PRDM16: variants seen among roughly 807,000 people sequenced by gnomAD.
PRDM16 encodes PR/SET domain 16, also known as histone-lysine N-methyltransferase PRDM16.
A neutral mutation model predicts 110.6 loss-of-function variants in PRDM16; 23 were observed. That is an observed-to-expected ratio of 0.21 (90% CI 0.15 to 0.29). The LOEUF is 0.29. Among genes scored for constraint, PRDM16 ranks in the 10% least tolerant of loss-of-function variants. The pLI, the probability that PRDM16 is intolerant of heterozygous loss-of-function variation, is 1.00. For missense variants in PRDM16, 1,615 were observed against 1,794.3 expected, an observed-to-expected ratio of 0.90 and a Z score of 1.81; for synonymous variants, 799 against 781.8, an observed-to-expected ratio of 1.02 and a Z score of -0.37.
chr1:3,425,539 A>C lies in PRDM16; in HGVS notation c.2940-42A>C. 1 of 1,589,608 alleles carries C rather than the reference A, an allele frequency of 6.3e-7. No homozygotes were observed. Among genetic ancestry groups the C allele is most frequent in the Non-Finnish European group, 8.6e-7 (1 of 1,164,950 alleles). On this transcript the variant is annotated intron_variant, in intron 12 of 16. Coordinates refer to ENST00000270722, the MANE Select transcript of PRDM16 (RefSeq NM_022114.4). The surrounding 1 kb of genome is among the most constrained non-coding windows in gnomAD (Gnocchi z 6.9). ...CCCTCTGTGGCCCGGCCTGCCATGC[A>C]GAGCCGGGGCCTGCACTGAGGAGCG...
chr1:3,152,844 G>A (rs1210107406), intron 1 of PRDM16, among the ~76,000 whole-genome samples: 2 of 152,190 alleles, frequency 1.3e-5, no homozygotes, highest in African/African-American at 4.8e-5. Context: ...GAGGGGTTTT[G>A]TCCAGAGGCT....
At chr1:3,356,647 C>A (rs761044980) in intron 3 of PRDM16, among the ~76,000 whole-genome samples, 4 of 152,222 alleles carry the variant, frequency 2.6e-5, no homozygotes, top group Non-Finnish European at 4.4e-5. Context: ...TGATCTTAGC[C>A]TGCCCCAGAG....
At chr1:3,322,828 G>A (rs949005480) in intron 3 of PRDM16, among the ~76,000 whole-genome samples, 10 of 152,338 alleles carry the variant, frequency 6.6e-5, no homozygotes, top group African/African-American at 1.9e-4. Flanking sequence ...GCCCCAGGAT[G>A]GGGACAGGGA....
chr1:3,272,574 A>G (rs2455127), intron 3 of PRDM16, among the ~76,000 whole-genome samples: 58,197 of 152,060 alleles, frequency 0.38, 16,449 homozygotes, highest in African/African-American at 0.79. Flanking sequence ...ACGTCCCGCC[A>G]GTGAGCCTGG....
Position 3,204,225 on chromosome 1 carries a change from C to T in PRDM16, c.387+17751C>T, listed in dbSNP as rs539953522. On this transcript the variant is annotated intron_variant, in intron 2 of 16. Transcript: ENST00000270722. Reference sequence around the variant, plus strand: ...GCAGACTTGGCCGCTCACAGATACCCGTGCCCCTGTAGTGTGTGTGGGTGT... The same window carrying T: ...GCAGACTTGGCCGCTCACAGATACCTGTGCCCCTGTAGTGTGTGTGGGTGT... 3.1e-4 allele frequency among the ~76,000 whole-genome samples: 47 copies of T among 152,312 alleles called. No homozygotes were observed. The South Asian group carries it at 3.3e-3, about 11-fold the overall frequency.
chr1:3,225,574 G>GCGCGCA (rs1553149440), intron 2 of PRDM16, among the ~76,000 whole-genome samples: 158 of 135,188 alleles, frequency 1.2e-3, no homozygotes, highest in African/African-American at 5.0e-3. Flanking sequence ...GTGTGTGTGT[G>GCGCGCA]CGCGCGCGCA....
At chr1:3,409,624 A>G (rs59831144) in intron 8 of PRDM16, among the ~76,000 whole-genome samples, 44,827 of 151,804 alleles carry the variant, frequency 0.3, 7,119 homozygotes, top group African/African-American at 0.43. Flanking sequence ...AAATTGTCCT[A>G]CAGAGAGAGA....
intron 3 of PRDM16, among the ~76,000 whole-genome samples, chr1:3,247,917 G>GC (rs1417532441): frequency 6.6e-6 from 1 of 152,364 alleles, no homozygotes; most frequent in East Asian, 1.9e-4. Context: ...TAGAGGGAAA[G>GC]CCCGGGGGCT....
At chr1:3,301,487 T>A (rs933059424) in intron 3 of PRDM16, among the ~76,000 whole-genome samples, 25 of 152,190 alleles carry the variant, frequency 1.6e-4, no homozygotes, top group African/African-American at 6.0e-4. Context: ...TTTAAGTGAC[T>A]CCTTTATTAA....
At chr1:3,247,682 C>G (rs1393149423) in intron 3 of PRDM16, among the ~76,000 whole-genome samples, 1 of 152,274 alleles carries the variant, frequency 6.6e-6, no homozygotes, top group Non-Finnish European at 1.5e-5. Flanking sequence ...CAGCCCAGAG[C>G]TTTGGCGCTG....
At chr1:3,119,191 C>T (rs1301686629) in intron 1 of PRDM16, among the ~76,000 whole-genome samples, 1 of 152,228 alleles carries the variant, frequency 6.6e-6, no homozygotes, top group Non-Finnish European at 1.5e-5. Flanking sequence ...CCTGGCAGAG[C>T]CTGGCCATTT....
intron 4 of PRDM16, among the ~76,000 whole-genome samples, chr1:3,392,325 A>T (rs1320850831): frequency 6.6e-6 from 1 of 152,212 alleles, no homozygotes; most frequent in Non-Finnish European, 1.5e-5. Flanking sequence ...GGGTTCACCT[A>T]CTTGATTCAA....
At chr1:3,303,322 T>C (rs1003935542) in intron 3 of PRDM16, among the ~76,000 whole-genome samples, 1 of 152,148 alleles carries the variant, frequency 6.6e-6, no homozygotes, top group Admixed American at 6.5e-5. Context: ...GACTATACAA[T>C]GTGCCATCCT....
chr1:3,425,518 C>T lies in PRDM16; in HGVS notation c.2940-63C>T, dbSNP rs1638578323. On this transcript the variant is annotated intron_variant, in intron 12 of 16. Coordinates refer to ENST00000270722, the MANE Select transcript of PRDM16 (RefSeq NM_022114.4). The surrounding 1 kb of genome is among the most constrained non-coding windows in gnomAD (Gnocchi z 6.9). ...GCGCGGGCTCCCTTCCCCCCACCCT[C>T]TGTGGCCCGGCCTGCCATGCAGAGC... The T allele has an allele frequency of 3.2e-6, 5 of 1,560,512 alleles. No individual in the cohort carries two copies. Among genetic ancestry groups the T allele is most frequent in the Middle Eastern group, 1.7e-4 (1 of 5,836 alleles).
At chr1:3,277,889 G>A (rs1160795123) in intron 3 of PRDM16, among the ~76,000 whole-genome samples, 2 of 152,198 alleles carry the variant, frequency 1.3e-5, no homozygotes, top group Admixed American at 6.5e-5. Flanking sequence ...GGCACAAACA[G>A]GAACACAGAC....
In PRDM16 at chr1:3,300,164, A is replaced by C. The variant is rs55805536; in HGVS notation, c.438+56027A>C. On this transcript the variant is annotated intron_variant, in intron 3 of 16. Coordinates refer to ENST00000270722, the MANE Select transcript of PRDM16 (RefSeq NM_022114.4). ...TGCTATGCTGTGGCCGTGATGTTTC[A>C]GATCCCAGTCGTGGTGACTCTGCCC... 7.9e-3 allele frequency among the ~76,000 whole-genome samples: 460 copies of C among 58,568 alleles called. 1 individual carries two copies. Among genetic ancestry groups the C allele is most frequent in the Middle Eastern group, 0.048 (4 of 84 alleles). 38.4% of individuals were successfully genotyped at this position (58,568 alleles called of 152,430 possible).
intron 16 of PRDM16, among the ~76,000 whole-genome samples, 157 bp from the exon 17 acceptor site, chr1:3,433,520 A>T (rs1036300443): frequency 5.4e-4 from 68 of 126,916 alleles, no homozygotes; most frequent in Non-Finnish European, 6.1e-4. Context: ...CCACGCGCTC[A>T]CCTGCCTGTC....
At chr1:3,194,449 C>T (rs1269890994) in intron 2 of PRDM16, among the ~76,000 whole-genome samples, 14 of 152,144 alleles carry the variant, frequency 9.2e-5, no homozygotes, top group Non-Finnish European at 2.9e-5. Flanking sequence ...TAAATTCCAA[C>T]AGAGGGGAAG....
intron 3 of PRDM16, among the ~76,000 whole-genome samples, chr1:3,277,733 GCA>G (rs371088651): frequency 0.025 from 3,779 of 150,550 alleles, 161 homozygotes; most frequent in African/African-American, 0.086. Flanking sequence ...ACACACGCGC[GCA>G]CACACGCACA....
Sources: allele counts gnomAD v4.1 joint callset (sites outside exome capture counted in the v4.1 genomes callset), GRCh38; gene constraint gnomAD v4.1.1; non-coding constraint Gnocchi (gnomAD v3.1); transcripts MANE v1.5; gene names NCBI Gene and HGNC (gene_info 2026-07-23, HGNC 2026-07-21).